ME1: variants seen among roughly 807,000 people sequenced by gnomAD.
ME1 encodes NADP-dependent malic enzyme.
ME1 carries 74 observed loss-of-function variants against 66.4 expected under a neutral mutation model. The observed-to-expected ratio is 1.11, with a 90% CI of 0.92 to 1.35. The LOEUF is 1.35. Among genes scored for constraint, ME1 ranks in the 40% most tolerant of loss-of-function variants. ME1 has a pLI of 0.00. For missense variants in ME1, 750 were observed against 694.1 expected, an observed-to-expected ratio of 1.08 and a Z score of -0.90; for synonymous variants, 251 against 235.6, an observed-to-expected ratio of 1.07 and a Z score of -0.60.
chr6:83,285,661 C>G (rs1767383418), intron 6 of ME1, among the ~76,000 whole-genome samples: 1 of 152,064 alleles, frequency 6.6e-6, no homozygotes, highest in Non-Finnish European at 1.5e-5. Flanking sequence ...GAGGAGTGTT[C>G]AGGTTCAAGA....
intron 1 of ME1, among the ~76,000 whole-genome samples, chr6:83,423,522 G>A (rs947624994): frequency 1.3e-5 from 2 of 152,130 alleles, no homozygotes; most frequent in Admixed American, 6.5e-5. Flanking sequence ...GTTAGGGCCA[G>A]GCACAGTGGC....
chr6:83,276,942 T>C (rs904028017), intron 6 of ME1, among the ~76,000 whole-genome samples: 2 of 152,246 alleles, frequency 1.3e-5, no homozygotes, highest in African/African-American at 4.8e-5. Context: ...AAATAACTTA[T>C]ATGCTACACT....
intron 1 of ME1, among the ~76,000 whole-genome samples, chr6:83,423,379 T>C (rs1284305794): frequency 1.3e-5 from 2 of 151,158 alleles, no homozygotes; most frequent in Non-Finnish European, 2.9e-5. Flanking sequence ...GGAAGAGAAA[T>C]GATACCCCAA....
intron 6 of ME1, among the ~76,000 whole-genome samples, chr6:83,282,946 C>T (rs1291380019): frequency 2.0e-5 from 3 of 151,782 alleles, no homozygotes; most frequent in Non-Finnish European, 2.9e-5. Context: ...ATGATGAGTT[C>T]GGCCGGGCGC....
At chr6:83,260,736 ATGGC>A (rs1281931549) in intron 6 of ME1, among the ~76,000 whole-genome samples, 2 of 152,188 alleles carry the variant, frequency 1.3e-5, no homozygotes, top group African/African-American at 4.8e-5. Context: ...GCTAGGGATA[ATGGC>A]CTCCAGCTCT....
chr6:83,427,812 A>G (rs1395587124), intron 1 of ME1, among the ~76,000 whole-genome samples: 1 of 152,204 alleles, frequency 6.6e-6, no homozygotes, highest in Non-Finnish European at 1.5e-5. Flanking sequence ...CAGGAGTTTG[A>G]GACCAGCGTG....
intron 12 of ME1, among the ~76,000 whole-genome samples, chr6:83,220,020 C>A (rs572369296): frequency 6.6e-6 from 1 of 152,116 alleles, no homozygotes; most frequent in Non-Finnish European, 1.5e-5. Flanking sequence ...AGTTCTATAA[C>A]GAATCAACTT....
intron 3 of ME1, among the ~76,000 whole-genome samples, chr6:83,352,487 T>C (rs554951821): frequency 3.9e-5 from 6 of 152,328 alleles, no homozygotes; most frequent in East Asian, 3.9e-4. Context: ...TGATATAATA[T>C]ATATAAAAGC....
intron 7 of ME1, among the ~76,000 whole-genome samples, chr6:83,240,848 CA>C (rs1395538318): frequency 6.6e-6 from 1 of 152,016 alleles, no homozygotes; most frequent in Non-Finnish European, 1.5e-5. Flanking sequence ...TAGGTAGCCG[CA>C]AATAAGAACA....
rs9765908 is a variant in ME1 at position 83,374,254 on chromosome 6, C to A, written c.363-22115G>T. ...GCATTCCTATTTCTCCACAGCCTCA[C>A]CAGCATCTCTTGTTTCTTGACTTTT... On this transcript the variant is annotated intron_variant, in intron 3 of 13. Coordinates refer to ENST00000369705, the MANE Select transcript of ME1 (RefSeq NM_002395.6). Among the ~76,000 whole-genome samples, 1,145 of 152,318 alleles carry A rather than the reference C, an allele frequency of 7.5e-3. 12 individuals are homozygous for A. Among genetic ancestry groups the A allele is most frequent in the African/African-American group, 0.026 (1,069 of 41,564 alleles).
At chr6:83,324,549 A>G (rs1768246049) in intron 5 of ME1, among the ~76,000 whole-genome samples, 1 of 152,004 alleles carries the variant, frequency 6.6e-6, no homozygotes. Context: ...AGAGAATACT[A>G]CAAACACCTC....
chr6:83,223,221 G>A lies in ME1; in HGVS notation c.1449+539C>T, dbSNP rs9449594. ...CAGGATGCAGTGCAGTAGTGCAATC[G>A]CAGCTCACTGCAACCTCTGCCTCCT... On this transcript the variant is annotated intron_variant, in intron 12 of 13. Transcript: ENST00000369705. Among the ~76,000 whole-genome samples, 3 of 152,088 alleles carry A rather than the reference G, an allele frequency of 2.0e-5. No individual in the cohort carries two copies. The East Asian group carries it at 5.8e-4, about 29-fold the overall frequency.
intron 6 of ME1, among the ~76,000 whole-genome samples, chr6:83,261,672 A>G (rs181903715): frequency 1.3e-5 from 2 of 152,098 alleles, no homozygotes; most frequent in Admixed American, 1.3e-4. Context: ...GAGAAGAAGA[A>G]GTGTTGGGAG....
At chr6:83,419,014 G>A (rs1770213707) in intron 1 of ME1, among the ~76,000 whole-genome samples, 1 of 152,102 alleles carries the variant, frequency 6.6e-6, no homozygotes, top group African/African-American at 2.4e-5. Context: ...GAAAGCGTAG[G>A]GAAGGAAACT....
chr6:83,321,304 A>G (rs1365944306), intron 5 of ME1, among the ~76,000 whole-genome samples: 2 of 152,156 alleles, frequency 1.3e-5, no homozygotes, highest in Non-Finnish European at 2.9e-5. Context: ...CCAGCGAGAC[A>G]GAACCATTCA....
At chr6:83,356,485 C>T (rs528687462) in intron 3 of ME1, among the ~76,000 whole-genome samples, 2 of 152,084 alleles carry the variant, frequency 1.3e-5, no homozygotes, top group African/African-American at 4.8e-5. Context: ...ATAGATATGC[C>T]TAGAGTTGCA....
chr6:83,331,557 G>A (rs948458657), intron 5 of ME1, among the ~76,000 whole-genome samples: 1 of 149,586 alleles, frequency 6.7e-6, no homozygotes, highest in African/African-American at 2.5e-5. Context: ...CTGCACTCCA[G>A]CCTGGGCAAC....
chr6:83,343,428 C>T (rs897610849), intron 5 of ME1, among the ~76,000 whole-genome samples: 2 of 152,194 alleles, frequency 1.3e-5, no homozygotes, highest in Non-Finnish European at 2.9e-5. Context: ...TCTCCGGTGA[C>T]CTGTCAAAGA....
intron 5 of ME1, 70 bp from the exon 6 acceptor site, chr6:83,315,483 C>A: frequency 1.1e-6 from 1 of 920,148 alleles, no homozygotes; most frequent in South Asian, 1.5e-5. Context: ...TCAGTTTCTT[C>A]ATCTGTATAA....
Sources: gnomAD v4.1 joint callset for allele counts (sites outside exome capture counted in the v4.1 genomes callset) on GRCh38, gnomAD v4.1.1 for gene constraint, MANE v1.5 for transcripts, NCBI Gene and HGNC (gene_info 2026-07-23, HGNC 2026-07-21) for gene names.